Variants in SEMA5A observed in about 807,000 individuals in gnomAD.
SEMA5A encodes semaphorin-5A.
A neutral mutation model predicts 135.5 loss-of-function variants in SEMA5A; 55 were observed. That is an observed-to-expected ratio of 0.41 (90% CI 0.33 to 0.51). The LOEUF is 0.51. SEMA5A is among the 20% of genes least tolerant of loss of function. The probability of loss-of-function intolerance (pLI) is 0.37; values close to 1 mark genes in which losing one functional copy is unlikely to be tolerated. For missense variants in SEMA5A, 1,290 were observed against 1,419.9 expected (o/e 0.91, Z 1.47); for synonymous variants, 580 against 546.5 (o/e 1.06, Z -0.85).
At chr5:9,538,933 G>C (rs1349947448) in intron 1 of SEMA5A, among the ~76,000 whole-genome samples, 1 of 152,180 alleles carries the variant, frequency 6.6e-6, no homozygotes, top group African/African-American at 2.4e-5. Flanking sequence ...ATGATGTCCA[G>C]AATTTTCTTT....
intron 5 of SEMA5A, among the ~76,000 whole-genome samples, chr5:9,286,444 A>C (rs1193142790): frequency 6.6e-6 from 1 of 151,950 alleles, no homozygotes; most frequent in African/African-American, 2.4e-5. Context: ...TATCTCCCGG[A>C]CCATATTAAT....
In SEMA5A at chr5:9,042,201, C is replaced by T. The variant is rs929266114; in HGVS notation, c.*696G>A. The T allele has an allele frequency of 6.6e-6, 1 of 152,528 alleles. No homozygotes were observed. Among genetic ancestry groups the T allele is most frequent in the African/African-American group, 2.4e-5 (1 of 41,468 alleles). The allele number at this position is 152,528 out of a possible 1,614,324, so 9.4% of individuals were successfully genotyped here. A position where few individuals can be genotyped will look rare whatever the true frequency, so the allele number is the denominator to read the frequency against. ...CAGCAACCTGCAGAACACATCCACG[C>T]TTCATTGTGCCTGAGCCTCTGCTCC... is the stretch of plus-strand genomic sequence containing the variant. On this transcript the variant is annotated 3_prime_UTR_variant, in exon 23 of 23. Transcript: ENST00000382496.
chr5:9,264,818 G>A (rs986808950), intron 5 of SEMA5A, among the ~76,000 whole-genome samples: 101 of 137,460 alleles, frequency 7.3e-4, no homozygotes, highest in African/African-American at 2.4e-3. Context: ...AATGAATCTA[G>A]TTCTTAAGTA....
intron 12 of SEMA5A, among the ~76,000 whole-genome samples, chr5:9,147,785 T>A (rs896129757): frequency 6.6e-6 from 1 of 151,438 alleles, no homozygotes; most frequent in African/African-American, 2.4e-5. Context: ...TGCTACTGTA[T>A]GATATTGCCA....
chr5:9,312,894 A>C (rs1298613545), intron 5 of SEMA5A, among the ~76,000 whole-genome samples: 1 of 152,100 alleles, frequency 6.6e-6, no homozygotes, highest in Non-Finnish European at 1.5e-5. Flanking sequence ...CTCATCACTC[A>C]ATTTCAGTAT....
chr5:9,096,259 T>C (rs1274862385), intron 16 of SEMA5A, among the ~76,000 whole-genome samples: 2 of 152,144 alleles, frequency 1.3e-5, no homozygotes, highest in East Asian at 1.9e-4. Flanking sequence ...TTAACTATAG[T>C]CCTAATGTTA....
intron 16 of SEMA5A, among the ~76,000 whole-genome samples, chr5:9,105,350 G>A (rs757360503): frequency 2.6e-5 from 4 of 152,232 alleles, no homozygotes; most frequent in Non-Finnish European, 5.9e-5. Context: ...CAGCTTTAAA[G>A]TGTTGGCAGA....
rs758664085 is a variant in SEMA5A, at chr5:9,062,894, G to T, written c.2511C>A (p.Pro837=). 17 of 1,614,236 alleles carry T rather than the reference G, an allele frequency of 1.1e-5. No homozygotes were observed. The highest frequency in any genetic ancestry group is 1.4e-5 in the Non-Finnish European group (17 of 1,180,046). The change falls in exon 18 of 23, where the codon CCC becomes CCA. Residue 837 remains proline, a synonymous_variant. Transcript: ENST00000382496. ...ACTACACAATCCACTTACCTGGGCA[G>T]GGCAAAATGTTGCATTCCTGGTATT... ...SLEYQECNIL[P]CPVDGVWSCW...
chr5:9,051,973 G>A lies in SEMA5A; in HGVS notation c.2745C>T (p.Val915=), dbSNP rs747487751. 6.2e-7 allele frequency: 1 copy of A among 1,613,796 alleles called. No individual in the cohort carries two copies. Among genetic ancestry groups the A allele is most frequent in the African/African-American group, 1.3e-5 (1 of 75,046 alleles). The change falls in exon 20 of 23, where the codon GTC becomes GTT. Residue 915 remains valine, a synonymous_variant. Coordinates refer to ENST00000382496, the MANE Select transcript of SEMA5A (RefSeq NM_003966.3). ...ACAGGAGGATGCACTGGCGGGCGCG[G>A]ACTTGGACGCCAGAGGCTTCACACT... is the stretch of plus-strand genomic sequence containing the variant. ...WSECEASGVQ[V]RARQCILLFP...
Position 9,204,229 on chromosome 5 carries a change from TC to T in SEMA5A, c.647-1990del, listed in dbSNP as rs1247825696. Among the ~76,000 whole-genome samples the T allele has an allele frequency of 6.6e-6, 1 of 152,112 alleles. No individual in the cohort carries two copies. Among genetic ancestry groups the T allele is most frequent in the Non-Finnish European group, 1.5e-5 (1 of 68,020 alleles). ...AACAAAAACAGCAACAAGCAACCCT[TC>T]CTAAAATGTGGAAAACAAAGAGAGA... On this transcript the variant is annotated intron_variant, in intron 8 of 22. Coordinates refer to ENST00000382496, the MANE Select transcript of SEMA5A (RefSeq NM_003966.3). The surrounding 1 kb of genome is among the most constrained non-coding windows in gnomAD (Gnocchi z 6.4).
chr5:9,127,751 G>A (rs1346298713), intron 13 of SEMA5A, among the ~76,000 whole-genome samples: 1 of 152,162 alleles, frequency 6.6e-6, no homozygotes, highest in African/African-American at 2.4e-5. Context: ...TTGAGGCAAA[G>A]AAGAGCTTTC....
chr5:9,063,064 G>A lies in SEMA5A; in HGVS notation c.2341C>T (p.His781Tyr), dbSNP rs1007990774. 5.0e-6 allele frequency: 8 copies of A among 1,614,026 alleles called. No homozygotes were observed. The East Asian group carries it at 1.8e-4, about 36-fold the overall frequency. Reference protein sequence around the residue: ...DFLRAGRYSAHTVNGAWSAWT... With the variant: ...DFLRAGRYSAYTVNGAWSAWT... ...GCTGACCAAGCCCCGTTGACCGTGT[G>A]GGCAGAGTATCTCCCAGCACGCAGG... The change falls in exon 18 of 23, where the codon CAC becomes TAC. Residue 781 changes from histidine to tyrosine, a missense_variant. Around this residue, in one of 3 missense-constraint regions of SEMA5A, gnomAD observed 1,029 missense variants for 1,086.6 expected, o/e 0.95. Transcript: ENST00000382496.
rs961008343 is a variant in SEMA5A, at chr5:9,146,894, A to G, written c.1481+7594T>C. 3.3e-5 allele frequency among the ~76,000 whole-genome samples: 5 copies of G among 152,326 alleles called. No homozygotes were observed. The South Asian group carries it at 8.3e-4, about 25-fold the overall frequency. On this transcript the variant is annotated intron_variant, in intron 12 of 22. Coordinates refer to ENST00000382496, the MANE Select transcript of SEMA5A (RefSeq NM_003966.3). ...GACTTTGAGATTTGGCAAATATTAA[A>G]TTCATTCTGAGGGGATAATATTTAC...
At chr5:9,161,741 C>A (rs906110952) in intron 11 of SEMA5A, among the ~76,000 whole-genome samples, 12 of 152,230 alleles carry the variant, frequency 7.9e-5, no homozygotes, top group Non-Finnish European at 1.8e-4. Flanking sequence ...CCCACAACAT[C>A]ATGAGCTTCA....
At chr5:9,185,925 G>A (rs1744782348) in intron 11 of SEMA5A, among the ~76,000 whole-genome samples, 1 of 152,152 alleles carries the variant, frequency 6.6e-6, no homozygotes, top group Non-Finnish European at 1.5e-5. Context: ...GTGGGACTGC[G>A]AGGGACTGTC....
At chr5:9,528,535 A>G (rs1737262332) in intron 1 of SEMA5A, among the ~76,000 whole-genome samples, 2 of 152,264 alleles carry the variant, frequency 1.3e-5, no homozygotes, top group South Asian at 4.1e-4. Flanking sequence ...TGACCAGTAG[A>G]ATACAGTGGA....
intron 5 of SEMA5A, among the ~76,000 whole-genome samples, chr5:9,239,147 T>C (rs149472129): frequency 1.3e-5 from 2 of 152,286 alleles, no homozygotes; most frequent in Non-Finnish European, 2.9e-5. Flanking sequence ...TTGGCAAATA[T>C]GAGTCCATAA....
intron 1 of SEMA5A, among the ~76,000 whole-genome samples, chr5:9,441,627 C>G (rs1291136213): frequency 6.6e-6 from 1 of 152,108 alleles, no homozygotes; most frequent in Non-Finnish European, 1.5e-5. Flanking sequence ...AGACAGAAAT[C>G]TGGCCTCATG....
chr5:9,468,682 C>G (rs959730456), intron 1 of SEMA5A, among the ~76,000 whole-genome samples: 1 of 152,096 alleles, frequency 6.6e-6, no homozygotes, highest in Non-Finnish European at 1.5e-5. Context: ...TAAATGGCTA[C>G]ATAGCAACCC....
Sources: allele counts gnomAD v4.1 joint callset (sites outside exome capture counted in the v4.1 genomes callset), GRCh38; gene constraint gnomAD v4.1.1; regional missense constraint gnomAD v4.1.1; non-coding constraint Gnocchi (gnomAD v3.1); transcripts MANE v1.5; gene names NCBI Gene and HGNC (gene_info 2026-07-23, HGNC 2026-07-21).